FSTL5: variants seen among roughly 807,000 people sequenced by gnomAD.
FSTL5 encodes the protein follistatin like 5.
A neutral mutation model predicts 89.1 loss-of-function variants in FSTL5; 62 were observed. The ratio of observed to expected loss-of-function variants is 0.70; its 90% CI spans 0.57 to 0.86. FSTL5 has a LOEUF of 0.86. FSTL5 is among the 40% of genes least tolerant of loss of function. FSTL5 has a pLI of 0.00. For synonymous variants in FSTL5, 383 were observed against 346.2 expected (o/e 1.11, Z -1.18); for missense variants, 1,057 against 1,001.6 (o/e 1.06, Z -0.75).
At chr4:162,040,100 C>T (rs546446409) in intron 2 of FSTL5, among the ~76,000 whole-genome samples, 1 of 152,120 alleles carries the variant, frequency 6.6e-6, no homozygotes, top group South Asian at 2.1e-4. Flanking sequence ...AGTTGAATTT[C>T]ATTCTCAGAA....
intron 10 of FSTL5, among the ~76,000 whole-genome samples, chr4:161,516,724 TACACACACACACACACACACAC>T (rs35139981): frequency 7.9e-6 from 1 of 127,300 alleles, no homozygotes; most frequent in African/African-American, 3.0e-5. Context: ...TATATATATG[TACACACACACACACACACACAC>T]ACACACACAC....
intron 1 of FSTL5, among the ~76,000 whole-genome samples, chr4:162,143,815 CACACAT>C (rs747169286): frequency 1.8e-3 from 218 of 121,684 alleles, no homozygotes; most frequent in Middle Eastern, 0.014. Flanking sequence ...CACACACACA[CACACAT>C]ACAAACACAC....
intron 8 of FSTL5, among the ~76,000 whole-genome samples, chr4:161,586,793 A>G (rs1733632872): frequency 6.6e-6 from 1 of 152,162 alleles, no homozygotes; most frequent in Non-Finnish European, 1.5e-5. Context: ...ATTCATGCCC[A>G]TCACACTAGC....
At chr4:161,433,738 A>G (rs1323230841) in intron 15 of FSTL5, among the ~76,000 whole-genome samples, 1 of 152,166 alleles carries the variant, frequency 6.6e-6, no homozygotes, top group Non-Finnish European at 1.5e-5. Flanking sequence ...AACATACAAA[A>G]TCAGTAGCAT....
intron 10 of FSTL5, among the ~76,000 whole-genome samples, chr4:161,529,622 AT>A (rs1731344298): frequency 7.0e-6 from 1 of 142,088 alleles, no homozygotes; most frequent in Non-Finnish European, 1.5e-5. Context: ...ATTAGTATAT[AT>A]TCTCTATAGA....
intron 1 of FSTL5, among the ~76,000 whole-genome samples, chr4:162,148,573 T>A (rs1388468863): frequency 6.6e-6 from 1 of 152,158 alleles, no homozygotes; most frequent in Non-Finnish European, 1.5e-5. Flanking sequence ...GATGTATATA[T>A]ACATTTATAC....
Position 161,500,030 on chromosome 4 carries a change from GC to G in FSTL5, c.1443del (p.Lys481AsnfsTer58). 2 of 1,596,664 alleles carry G rather than the reference GC, an allele frequency of 1.3e-6. No homozygotes were observed. The highest frequency in any genetic ancestry group is 1.7e-6 in the Non-Finnish European group (2 of 1,166,824). Reference sequence around the variant, plus strand: ...TAGATACTTGCCTGAAATCCAAGGAGCTTTTCACTAGGCTTAATGTGCCTCT... The same window carrying G: ...TAGATACTTGCCTGAAATCCAAGGAGTTTTCACTAGGCTTAATGTGCCTCT... Reference protein sequence around the residue: ...EFQRHIKPSEKLLGFQDEVCP... With the variant: ...EFQRHIKPSEXLLGFQDEVCP... On this transcript the variant is annotated frameshift_variant, in exon 12 of 16. Transcript: ENST00000306100. LOFTEE classifies it high-confidence loss of function.
At chr4:161,807,583 G>T (rs1730009532) in intron 4 of FSTL5, among the ~76,000 whole-genome samples, 1 of 152,044 alleles carries the variant, frequency 6.6e-6, no homozygotes. Context: ...ATAGGTCTCT[G>T]CAGCAAGTAC....
intron 6 of FSTL5, among the ~76,000 whole-genome samples, chr4:161,748,654 A>T (rs559536893): frequency 6.7e-6 from 1 of 150,008 alleles, no homozygotes; most frequent in African/African-American, 2.5e-5. Flanking sequence ...ATCTCACATG[A>T]AAAGACTTAC....
intron 3 of FSTL5, among the ~76,000 whole-genome samples, chr4:162,024,242 A>G (rs1372828097): frequency 1.3e-5 from 2 of 152,196 alleles, no homozygotes; most frequent in East Asian, 1.9e-4. Context: ...ATATACCAAA[A>G]TGGTAACAAT....
intron 2 of FSTL5, among the ~76,000 whole-genome samples, chr4:162,096,587 TG>T (rs1730761708): frequency 6.6e-6 from 1 of 151,834 alleles, no homozygotes; most frequent in Non-Finnish European, 1.5e-5. Flanking sequence ...TCTGGTGCAG[TG>T]ACTCATAGAT....
chr4:161,490,465 G>T (rs1729827918), intron 12 of FSTL5, among the ~76,000 whole-genome samples: 1 of 152,092 alleles, frequency 6.6e-6, no homozygotes, highest in African/African-American at 2.4e-5. Flanking sequence ...GACATGGAAG[G>T]ATAAATCAGG....
intron 7 of FSTL5, among the ~76,000 whole-genome samples, chr4:161,591,815 TA>T (rs1733833617): frequency 6.6e-6 from 1 of 152,140 alleles, no homozygotes; most frequent in South Asian, 2.1e-4. Context: ...ATACTAAACC[TA>T]AAAAACAAGA....
intron 4 of FSTL5, among the ~76,000 whole-genome samples, chr4:161,797,983 C>T (rs1406606182): frequency 6.6e-6 from 1 of 151,596 alleles, no homozygotes; most frequent in African/African-American, 2.4e-5. Context: ...TAATGCTCAT[C>T]ATCAAACTAA....
In FSTL5 at chr4:161,920,670, A is replaced by AC. The variant is rs1379593049; in HGVS notation, c.161-19_161-18insG. On this transcript the variant is annotated intron_variant, in intron 3 of 15. Transcript: ENST00000306100. The stretch of plus-strand genomic sequence containing the variant: ...CATAAATCCTGAAGAATTAAAAAAA[A>AC]ATTGAAAATCGTTTGGTTCATTTGT... 1 of 1,596,160 alleles carries AC rather than the reference A, an allele frequency of 6.3e-7. No homozygotes were observed. Among genetic ancestry groups the AC allele is most frequent in the Non-Finnish European group, 8.5e-7 (1 of 1,174,222 alleles).
chr4:161,705,665 C>A (rs969782469), intron 6 of FSTL5, among the ~76,000 whole-genome samples: 3 of 151,772 alleles, frequency 2.0e-5, no homozygotes, highest in African/African-American at 7.3e-5. Flanking sequence ...TTCTTAATTT[C>A]AGTTTGCTCA....
intron 15 of FSTL5, among the ~76,000 whole-genome samples, chr4:161,393,235 A>G (rs991688421): frequency 2.0e-5 from 3 of 152,066 alleles, no homozygotes; most frequent in Admixed American, 6.6e-5. Context: ...TGTTCATTTT[A>G]TACATGCAAG....
chr4:162,040,818 T>TCAA, intron 2 of FSTL5, among the ~76,000 whole-genome samples: 1 of 152,064 alleles, frequency 6.6e-6, no homozygotes, highest in Admixed American at 6.6e-5. Context: ...TTATTATTTA[T>TCAA]CTTTTTTTTT....
chr4:162,093,456 C>A (rs1391869151), intron 2 of FSTL5, among the ~76,000 whole-genome samples: 2 of 152,144 alleles, frequency 1.3e-5, no homozygotes, highest in Non-Finnish European at 2.9e-5. Context: ...AGTAAAATAT[C>A]ATTTTACCAA....
Sources: allele counts gnomAD v4.1 joint callset (sites outside exome capture counted in the v4.1 genomes callset), GRCh38; gene constraint gnomAD v4.1.1; transcripts MANE v1.5; gene names NCBI Gene and HGNC (gene_info 2026-07-23, HGNC 2026-07-21).